COL8A1: variants seen among roughly 807,000 people sequenced by gnomAD.
COL8A1 encodes collagen alpha-1(VIII) chain.
Under a neutral mutation model 42.7 loss-of-function variants are expected in COL8A1, and 21 were observed. The ratio of observed to expected loss-of-function variants is 0.49; its 90% CI spans 0.35 to 0.71. The LOEUF is 0.71. Ranked by LOEUF, COL8A1 falls within the 30% of genes least tolerant of loss-of-function variation. The pLI, the probability that COL8A1 is intolerant of heterozygous loss-of-function variation, is 0.01. For synonymous variants in COL8A1, 367 were observed against 369.1 expected (o/e 0.99, Z 0.06); for missense variants, 788 against 962.4 (o/e 0.82, Z 2.40).
At position 99,794,592 on chromosome 3, in the gene COL8A1, C is replaced by T; in HGVS notation, c.691C>T (p.Pro231Ser). Reference protein sequence around the residue: ...PKGDRGPKGLPGPQGLRGPKG... With the variant: ...PKGDRGPKGLSGPQGLRGPKG... ...GGGTGATCGAGGACCCAAAGGACTA[C>T]CAGGACCTCAAGGCCTTCGGGGTCC... The change falls in exon 4 of 4, where the codon CCA (proline) becomes TCA (serine). Residue 231 changes from proline (P) to serine (S), a missense_variant. Pro to Ser is a moderately conservative substitution (Grantham distance 74, BLOSUM62 -1). Transcript: ENST00000652472. The surrounding 1 kb of genome is among the most constrained non-coding windows in gnomAD (Gnocchi z 4.3). 1 of 1,613,546 alleles carries T rather than the reference C, an allele frequency of 6.2e-7. No individual in the cohort carries two copies. Among genetic ancestry groups the T allele is most frequent in the Non-Finnish European group, 8.5e-7 (1 of 1,179,732 alleles).
In COL8A1 at chr3:99,792,031, G is replaced by A. The variant is rs1054255794; in HGVS notation, c.328+1021G>A. Among the ~76,000 whole-genome samples the A allele has an allele frequency of 4.6e-5, 7 of 152,270 alleles. 1 individual carries two copies. The highest frequency in any genetic ancestry group is 3.9e-4 in the East Asian group (2 of 5,188). ...AGAGTGTGTTCCAGGCTCTGTGCTA[G>A]ACACCAGGGATTCCTGATTCATCTC... On this transcript the variant is annotated intron_variant, in intron 3 of 3. Coordinates refer to ENST00000652472, the MANE Select transcript of COL8A1 (RefSeq NM_020351.4).
intron 2 of COL8A1, among the ~76,000 whole-genome samples, chr3:99,773,514 T>C (rs1398644257): frequency 1.3e-5 from 2 of 152,130 alleles, no homozygotes; most frequent in Non-Finnish European, 2.9e-5. Flanking sequence ...GTAGAATCTT[T>C]ATTGTGGGGA....
At chr3:99,729,603 T>G (rs1036740948) in intron 1 of COL8A1, among the ~76,000 whole-genome samples, 1 of 152,078 alleles carries the variant, frequency 6.6e-6, no homozygotes, top group African/African-American at 2.4e-5. Flanking sequence ...TAATTTATCA[T>G]GATTAGCTGT....
chr3:99,773,850 T>A (rs1187381619), intron 2 of COL8A1, among the ~76,000 whole-genome samples: 3 of 43,078 alleles, frequency 7.0e-5, no homozygotes, highest in Admixed American at 2.4e-4. Flanking sequence ...TTTTTTTTTT[T>A]TTTTTTTTTT....
At position 99,790,837 on chromosome 3, in the gene COL8A1, A is replaced by G. The variant is rs1190945277; in HGVS notation, c.155A>G (p.Gln52Arg). The G allele has an allele frequency of 1.2e-6, 2 of 1,614,232 alleles. No homozygotes were observed. Among genetic ancestry groups the G allele is most frequent in the Admixed American group, 1.7e-5 (1 of 60,024 alleles). ...PQMPPQIPQY[Q>R]PLGQQVPHMP... ...ATGCCACCACAAATTCCACAATACCAGCCCCTGGGTCAGCAAGTACCTCAC... is the reference window on the plus strand; with the variant it reads ...ATGCCACCACAAATTCCACAATACCGGCCCCTGGGTCAGCAAGTACCTCAC... Residue 52 changes from glutamine to arginine, a missense_variant, in exon 3 of 4, where the codon CAG becomes CGG. Gln to Arg is a conservative substitution (Grantham distance 43, BLOSUM62 1). Around this residue, in one of 4 missense-constraint regions of COL8A1, gnomAD observed 421 missense variants for 553.1 expected, o/e 0.76. Transcript: ENST00000652472.
chr3:99,785,515 G>C (rs1379999008), intron 2 of COL8A1, among the ~76,000 whole-genome samples: 1 of 152,196 alleles, frequency 6.6e-6, no homozygotes, highest in Non-Finnish European at 1.5e-5. Flanking sequence ...TCACAGAGGA[G>C]GCAGGAATAG....
chr3:99,785,248 G>C (rs1423990866), intron 2 of COL8A1, among the ~76,000 whole-genome samples: 1 of 152,172 alleles, frequency 6.6e-6, no homozygotes, highest in East Asian at 1.9e-4. Context: ...AACCTCTGTA[G>C]GTAGAATTTT....
intron 1 of COL8A1, among the ~76,000 whole-genome samples, chr3:99,725,126 G>C (rs1940267881): frequency 6.6e-6 from 1 of 151,954 alleles, no homozygotes; most frequent in East Asian, 1.9e-4. Flanking sequence ...AGCAATTCTG[G>C]GGGGAGTGCT....
chr3:99,773,831 A>AT, intron 2 of COL8A1, among the ~76,000 whole-genome samples: 1 of 70,360 alleles, frequency 1.4e-5, no homozygotes, highest in Admixed American at 1.4e-4. Flanking sequence ...ATATATATAT[A>AT]TATATATTTT....
rs545490080 is a variant in COL8A1, at chr3:99,693,751, T to G, written c.-128-51146T>G. Among the ~76,000 whole-genome samples, 16 of 152,282 alleles carry G rather than the reference T, an allele frequency of 1.1e-4. No individual in the cohort carries two copies. The South Asian group carries it at 3.3e-3, about 32-fold the overall frequency. On this transcript the variant is annotated intron_variant, in intron 1 of 3. Coordinates refer to ENST00000652472, the MANE Select transcript of COL8A1 (RefSeq NM_020351.4). ...TTGAAGAAAAATAATGTTTATAAATTTAATGAAGCCAAAGTATACAATGTT... is the reference window on the plus strand; with the variant it reads ...TTGAAGAAAAATAATGTTTATAAATGTAATGAAGCCAAAGTATACAATGTT...
At chr3:99,762,946 A>G (rs892834121) in intron 2 of COL8A1, among the ~76,000 whole-genome samples, 3 of 152,150 alleles carry the variant, frequency 2.0e-5, no homozygotes, top group Non-Finnish European at 4.4e-5. Context: ...GTTGTAATGA[A>G]TAAGTGGGAA....
At chr3:99,673,779 G>A (rs1016566526) in intron 1 of COL8A1, among the ~76,000 whole-genome samples, 1 of 152,044 alleles carries the variant, frequency 6.6e-6, no homozygotes, top group South Asian at 2.1e-4. Context: ...AGACTGCCTG[G>A]GTTTGAATTC....
chr3:99,765,176 G>A (rs1477897558), intron 2 of COL8A1, among the ~76,000 whole-genome samples: 2 of 152,064 alleles, frequency 1.3e-5, no homozygotes, highest in Non-Finnish European at 2.9e-5. Flanking sequence ...ACAGAGACAT[G>A]GTCTTGGCTA....
chr3:99,676,143 T>TATAAATAG (rs1231154616), intron 1 of COL8A1, among the ~76,000 whole-genome samples: 9 of 152,170 alleles, frequency 5.9e-5, no homozygotes, highest in Non-Finnish European at 1.2e-4. Flanking sequence ...GAATGGAAAA[T>TATAAATAG]ATAAATAGTC....
chr3:99,763,342 A>G (rs946307703), intron 2 of COL8A1, among the ~76,000 whole-genome samples: 1 of 152,160 alleles, frequency 6.6e-6, no homozygotes, highest in Non-Finnish European at 1.5e-5. Context: ...ACTCTGGGAG[A>G]TGAGAGGGAA....
At chr3:99,760,893 CA>C (rs1422521925) in intron 2 of COL8A1, among the ~76,000 whole-genome samples, 1 of 152,206 alleles carries the variant, frequency 6.6e-6, no homozygotes, top group Non-Finnish European at 1.5e-5. Context: ...GGGAGTAACA[CA>C]AACAGGGCTT....
intron 1 of COL8A1, among the ~76,000 whole-genome samples, chr3:99,649,720 A>G (rs1348198540): frequency 6.6e-6 from 1 of 151,902 alleles, no homozygotes; most frequent in Non-Finnish European, 1.5e-5. Context: ...CACATTCCAC[A>G]TCTCCCTTTC....
chr3:99,763,605 A>C (rs1320775823), intron 2 of COL8A1, among the ~76,000 whole-genome samples: 1 of 152,130 alleles, frequency 6.6e-6, no homozygotes, highest in African/African-American at 2.4e-5. Context: ...GAAAAGGAAA[A>C]TGAGGCACAA....
intron 1 of COL8A1, among the ~76,000 whole-genome samples, chr3:99,652,651 GA>G (rs1937883101): frequency 6.6e-6 from 1 of 152,156 alleles, no homozygotes; most frequent in African/African-American, 2.4e-5. Context: ...TTTGCTTAGG[GA>G]AAAGTGATTG....
Sources: allele counts gnomAD v4.1 joint callset (sites outside exome capture counted in the v4.1 genomes callset), GRCh38; gene constraint gnomAD v4.1.1; regional missense constraint gnomAD v4.1.1; non-coding constraint Gnocchi (gnomAD v3.1); transcripts MANE v1.5; gene names NCBI Gene and HGNC (gene_info 2026-07-23, HGNC 2026-07-21).